Variants in IKZF2 observed in about 807,000 individuals in gnomAD.
IKZF2 encodes zinc finger protein Helios.
IKZF2 carries 15 observed loss-of-function variants against 49.2 expected under a neutral mutation model. The ratio of observed to expected loss-of-function variants is 0.30; its 90% confidence interval spans 0.20 to 0.47. The LOEUF is 0.47. Ranked by LOEUF, IKZF2 falls within the 20% of genes least tolerant of loss-of-function variation. The pLI is 1.00. For missense variants in IKZF2, 567 were observed against 664.6 expected (o/e 0.85, Z 1.61); for synonymous variants, 227 against 221.4 (o/e 1.03, Z -0.23).
At chr2:213,107,341 T>C (rs1009946212) in intron 4 of IKZF2, among the ~76,000 whole-genome samples, 1 of 152,226 alleles carries the variant, frequency 6.6e-6, no homozygotes, top group Non-Finnish European at 1.5e-5. Flanking sequence ...AGATGATCAC[T>C]GTGAGGTCTT....
chr2:213,069,983 T>C (rs1702531715), intron 4 of IKZF2, among the ~76,000 whole-genome samples: 1 of 152,110 alleles, frequency 6.6e-6, no homozygotes, highest in Non-Finnish European at 1.5e-5. Flanking sequence ...CTGCCTTTAA[T>C]TGTGCGATAT....
At chr2:213,123,692 G>T (rs1426659510) in intron 4 of IKZF2, among the ~76,000 whole-genome samples, 2 of 152,132 alleles carry the variant, frequency 1.3e-5, no homozygotes, top group African/African-American at 4.8e-5. Flanking sequence ...GTTTGGTTTG[G>T]TTTGGTTTTG....
intron 4 of IKZF2, among the ~76,000 whole-genome samples, chr2:213,078,537 A>T (rs924443704): frequency 6.6e-6 from 1 of 152,232 alleles, no homozygotes; most frequent in Non-Finnish European, 1.5e-5. Flanking sequence ...CGTACAAGAA[A>T]ACTGAATCGC....
chr2:213,011,348 A>G (rs562364599), intron 8 of IKZF2, among the ~76,000 whole-genome samples: 4 of 152,134 alleles, frequency 2.6e-5, no homozygotes, highest in Non-Finnish European at 5.9e-5. Flanking sequence ...GAAATGCCCA[A>G]TAGAGGGGAG....
At chr2:213,101,237 T>G (rs892539019) in intron 4 of IKZF2, among the ~76,000 whole-genome samples, 2 of 152,064 alleles carry the variant, frequency 1.3e-5, no homozygotes, top group African/African-American at 4.8e-5. Context: ...TCAGAAACCA[T>G]AAAAATGTTT....
At position 213,062,914 on chromosome 2, in the gene IKZF2, A is replaced by T. The variant is rs2125425667; in HGVS notation, c.140-5815T>A. On this transcript the variant is annotated intron_variant, in intron 4 of 8. Coordinates refer to ENST00000434687, the MANE Select transcript of IKZF2 (RefSeq NM_001387220.1). Reference sequence around the variant, plus strand: ...GTTAGGAAAACAAAGTGCCTTCAAAACTGTGATGTAAAGCCCAATTATTTA... The same window carrying T: ...GTTAGGAAAACAAAGTGCCTTCAAATCTGTGATGTAAAGCCCAATTATTTA... Among the ~76,000 whole-genome samples, 4 of 152,146 alleles carry T rather than the reference A, an allele frequency of 2.6e-5. No homozygotes were observed. The Middle Eastern group carries it at 0.014, about 518-fold the overall frequency.
rs1489164047 is a variant in IKZF2 at position 213,150,226 on chromosome 2, A to G, written c.-98T>C. 2.4e-6 allele frequency: 3 copies of G among 1,270,424 alleles called. No homozygotes were observed. The highest frequency in any genetic ancestry group is 5.6e-5 in the East Asian group (1 of 17,860). 78.7% of individuals were successfully genotyped at this position (1,270,424 alleles called of 1,614,324 possible). On this transcript the variant is annotated 5_prime_UTR_variant, in exon 2 of 9. Transcript: ENST00000434687. ...GATCTCAGCTTCTTCTAACCCCTCAAAGAGGAGGTGACAATGTCGGGCTGA... is the reference window on the plus strand; with the variant it reads ...GATCTCAGCTTCTTCTAACCCCTCAGAGAGGAGGTGACAATGTCGGGCTGA...
chr2:213,056,694 C>T (rs764759384), intron 5 of IKZF2, 139 bp downstream of exon 5: 2 of 1,016,044 alleles, frequency 2.0e-6, no homozygotes, highest in South Asian at 1.4e-5. Context: ...TGTTTTTCTG[C>T]AATCCAATAC....
chr2:213,033,380 A>G (rs1462097549), intron 6 of IKZF2, among the ~76,000 whole-genome samples: 1 of 152,218 alleles, frequency 6.6e-6, no homozygotes, highest in East Asian at 1.9e-4. Flanking sequence ...TAGAATTCTG[A>G]ATCCTTTCCA....
At chr2:213,151,213 A>ATATTAT (rs1235296989) in intron 1 of IKZF2, among the ~76,000 whole-genome samples, 200 bp downstream of exon 1, 1 of 151,808 alleles carries the variant, frequency 6.6e-6, no homozygotes, top group Non-Finnish European at 1.5e-5. Context: ...AAAAATACCT[A>ATATTAT]TATTATTATT....
Position 213,004,620 on chromosome 2 carries a change from T to G in IKZF2, c.*2740A>C, listed in dbSNP as rs1216130819. On this transcript the variant is annotated 3_prime_UTR_variant, in exon 9 of 9. Transcript: ENST00000434687. ...TGGTGTCTGACTCTTATGTTTATTTTTAGATGCTACAACCTTGCGTATTTC... is the reference window on the plus strand; with the variant it reads ...TGGTGTCTGACTCTTATGTTTATTTGTAGATGCTACAACCTTGCGTATTTC... 1 of 151,990 alleles carries G rather than the reference T, an allele frequency of 6.6e-6. No individual in the cohort carries two copies. The highest frequency in any genetic ancestry group is 2.4e-5 in the African/African-American group (1 of 41,448). The allele number at this position is 151,990 out of a possible 1,614,324, so 9.4% of individuals were successfully genotyped here.
intron 4 of IKZF2, among the ~76,000 whole-genome samples, chr2:213,079,315 G>C (rs985588268): frequency 6.6e-6 from 1 of 151,926 alleles, no homozygotes; most frequent in African/African-American, 2.4e-5. Flanking sequence ...GGAGTTCAAG[G>C]CTGGAGTAAG....
chr2:213,079,422 A>T (rs763362914), intron 4 of IKZF2, among the ~76,000 whole-genome samples: 57,138 of 142,356 alleles, frequency 0.4, 12,148 homozygotes, highest in African/African-American at 0.46. Flanking sequence ...GAAGCATGGA[A>T]GGAAGGAAGG....
intron 4 of IKZF2, among the ~76,000 whole-genome samples, chr2:213,091,394 C>T (rs1372372359): frequency 6.6e-6 from 1 of 152,146 alleles, no homozygotes; most frequent in Non-Finnish European, 1.5e-5. Flanking sequence ...GAGGTACATT[C>T]ATAACAGGTT....
Position 213,021,941 on chromosome 2 carries a change from A to C in IKZF2, c.712+52T>G, listed in dbSNP as rs1320141584. On this transcript the variant is annotated intron_variant, in intron 7 of 8. Transcript: ENST00000434687. ...GCATAAGATTTTATCTTCATGTTGAACTACAAAAGCAGTAGGGGGAAATAA... is the reference window on the plus strand; with the variant it reads ...GCATAAGATTTTATCTTCATGTTGACCTACAAAAGCAGTAGGGGGAAATAA... The C allele has an allele frequency of 7.2e-6, 9 of 1,244,040 alleles. No homozygotes were observed. In the South Asian group the frequency reaches 1.3e-4, roughly 18 times the overall value. 77.1% of individuals were successfully genotyped at this position (1,244,040 alleles called of 1,614,324 possible).
chr2:213,106,780 C>T (rs921796824), intron 4 of IKZF2, among the ~76,000 whole-genome samples: 1 of 152,058 alleles, frequency 6.6e-6, no homozygotes, highest in Admixed American at 6.5e-5. Flanking sequence ...AAGTCTCACT[C>T]ATAACTCTAT....
At chr2:213,083,955 C>G (rs906350603) in intron 4 of IKZF2, among the ~76,000 whole-genome samples, 3 of 151,912 alleles carry the variant, frequency 2.0e-5, no homozygotes, top group African/African-American at 4.8e-5. Flanking sequence ...CTTGAATCAT[C>G]CCGAAACCAT....
At chr2:213,067,675 C>T (rs1039421389) in intron 4 of IKZF2, among the ~76,000 whole-genome samples, 3 of 152,120 alleles carry the variant, frequency 2.0e-5, no homozygotes, top group South Asian at 2.1e-4. Context: ...AGCACCTGCT[C>T]TGTACCAGGC....
intron 4 of IKZF2, among the ~76,000 whole-genome samples, chr2:213,143,810 T>TA (rs1203854387): frequency 6.6e-6 from 1 of 151,914 alleles, no homozygotes; most frequent in African/African-American, 2.4e-5. Context: ...GATAATCTGA[T>TA]ATCACTCCAC....
Sources: allele counts gnomAD v4.1 joint callset (sites outside exome capture counted in the v4.1 genomes callset), GRCh38; gene constraint gnomAD v4.1.1; transcripts MANE v1.5; gene names NCBI Gene and HGNC (gene_info 2026-07-23, HGNC 2026-07-21).